The following FAM120C variants were observed in gnomAD, a reference collection of about 807,000 sequenced individuals.
The protein encoded by FAM120C is family with sequence similarity 120 member C.
Under a neutral mutation model 71.2 loss-of-function variants are expected in FAM120C, and 14 were observed. That is an observed-to-expected ratio of 0.20 (90% CI 0.13 to 0.31). The LOEUF (loss-of-function observed/expected upper bound fraction) is 0.31. Among genes scored for constraint, FAM120C ranks in the 10% least tolerant of loss-of-function variants. The probability of loss-of-function intolerance (pLI) is 1.00; values close to 1 mark genes in which losing one functional copy is unlikely to be tolerated. For synonymous variants in FAM120C, 354 were observed against 353.2 expected, an observed-to-expected ratio of 1.00 and a Z score of -0.03; for missense variants, 500 against 879.0, an observed-to-expected ratio of 0.57 and a Z score of 5.45.
rs782799788 is a variant in FAM120C, at chrX:54,088,007, A to G, written c.2428-43T>C. On this transcript the variant is annotated intron_variant, in intron 11 of 15. Transcript: ENST00000375180. ...GAAATATTACTATTAAGAAACTACTATTCTTGGTAACATTTACTCTTATTC... is the reference window on the plus strand; with the variant it reads ...GAAATATTACTATTAAGAAACTACTGTTCTTGGTAACATTTACTCTTATTC... 1.8e-5 allele frequency: 19 copies of G among 1,037,847 alleles called. No homozygotes were observed. In the Middle Eastern group the frequency reaches 7.6e-4, roughly 42 times the overall value. The allele number at this position is 1,037,847 out of a possible 1,213,427, so 85.5% of individuals were successfully genotyped here. A position where few individuals can be genotyped will look rare whatever the true frequency, so the allele number is the denominator to read the frequency against.
intron 1 of FAM120C, chrX:54,174,184 A>AAG (rs781920600): frequency 3.9e-6 from 2 of 512,053 alleles, no homozygotes; most frequent in East Asian, 7.2e-5. Context: ...GCCAGAGAGA[A>AAG]AGAGAGAGAG....
chrX:54,129,908 C>T (rs1028389803), intron 9 of FAM120C, among the ~76,000 whole-genome samples: 242 of 109,691 alleles, frequency 2.2e-3, no homozygotes, highest in Non-Finnish European at 4.0e-3. Flanking sequence ...CAATCGCAGG[C>T]ACTCGGCAGG....
In FAM120C at chrX:54,080,303, G is replaced by GA. The variant is rs1603351624; in HGVS notation, c.2979-15dup. 2 of 1,181,568 alleles carry GA rather than the reference G, an allele frequency of 1.7e-6. No individual in the cohort carries two copies. Among genetic ancestry groups the GA allele is most frequent in the Non-Finnish European group, 2.3e-6 (2 of 871,297 alleles). On this transcript the variant is annotated splice_polypyrimidine_tract_variant and intron_variant, in intron 14 of 15. Transcript: ENST00000375180. Reference sequence around the variant, plus strand: ...TCTTTTCCATGCCTTTAGCAAGTGAGAAAAAAAGTGATCATGAGAAACATA... The same window carrying GA: ...TCTTTTCCATGCCTTTAGCAAGTGAGAAAAAAAAGTGATCATGAGAAACATA...
chrX:54,176,904 A>C (rs1467822600), intron 1 of FAM120C, among the ~76,000 whole-genome samples: 1 of 111,481 alleles, frequency 9.0e-6, no homozygotes, highest in Non-Finnish European at 1.9e-5. Context: ...AATATGAGAG[A>C]GGTAAGAACA....
chrX:54,114,644 G>C (rs1411259430), intron 10 of FAM120C, among the ~76,000 whole-genome samples: 1 of 111,135 alleles, frequency 9.0e-6, no homozygotes, highest in Non-Finnish European at 1.9e-5. Flanking sequence ...TTGCCATGTT[G>C]GCCAGGCTGG....
At position 54,087,796 on chromosome X, in the gene FAM120C, C is replaced by G; in HGVS notation, c.2596G>C (p.Gly866Arg). Residue 866 changes from glycine to arginine, a missense_variant, in exon 12 of 16, where the codon GGC (glycine) becomes CGC (arginine). By Grantham distance (125) the Gly-to-Arg change is moderately radical. Transcript: ENST00000375180. ...TCAACCAGAGATACTCGCTCTCGGC[C>G]TGCTTTAATTAGCTTGCTCTGGAAC... ...KLFQSKLIKA[G>R]RERVSLVELC... 6.6e-6 allele frequency: 8 copies of G among 1,211,515 alleles called. No individual in the cohort carries two copies. Among genetic ancestry groups the G allele is most frequent in the Non-Finnish European group, 8.9e-6 (8 of 895,518 alleles).
intron 8 of FAM120C, 123 bp downstream of exon 8, chrX:54,133,650 A>C (rs1182821112): frequency 2.5e-6 from 2 of 787,885 alleles, no homozygotes; most frequent in Admixed American, 6.7e-5. Flanking sequence ...GGCCCACCAC[A>C]TGTGGCCTTC....
At chrX:54,108,741 G>T (rs782452320) in intron 10 of FAM120C, among the ~76,000 whole-genome samples, 119 of 110,341 alleles carry the variant, frequency 1.1e-3, no homozygotes, top group Middle Eastern at 9.1e-3. Context: ...GACCAGCCTG[G>T]GCAACATGGT....
chrX:54,175,020 C>T (rs2067309060), intron 1 of FAM120C, among the ~76,000 whole-genome samples: 1 of 111,324 alleles, frequency 9.0e-6, no homozygotes. Context: ...GTCTCCTCTA[C>T]TAGATAGACT....
chrX:54,168,581 C>T (rs1557135529), intron 1 of FAM120C, among the ~76,000 whole-genome samples: 3 of 112,391 alleles, frequency 2.7e-5, no homozygotes, highest in Non-Finnish European at 3.8e-5. Context: ...TTCAAGAAGG[C>T]TGAGGATTTT....
At chrX:54,078,706 C>G (rs903294129) in intron 15 of FAM120C, among the ~76,000 whole-genome samples, 1 of 110,496 alleles carries the variant, frequency 9.1e-6, no homozygotes, top group Admixed American at 9.8e-5. Flanking sequence ...AGTAGGTACT[C>G]AAGAAATGGT....
At chrX:54,118,767 G>C (rs1194247782) in intron 9 of FAM120C, among the ~76,000 whole-genome samples, 5 of 57,012 alleles carry the variant, frequency 8.8e-5, no homozygotes, top group Admixed American at 2.3e-4. Flanking sequence ...ATATTGTGCA[G>C]GTTAGTTACA....
intron 10 of FAM120C, among the ~76,000 whole-genome samples, chrX:54,104,597 C>T (rs2066896991): frequency 9.0e-6 from 1 of 110,952 alleles, no homozygotes; most frequent in Non-Finnish European, 1.9e-5. Flanking sequence ...CGCCTGAGGT[C>T]AGGAGTTCAA....
chrX:54,100,263 G>A (rs1261307707), intron 10 of FAM120C, among the ~76,000 whole-genome samples: 8 of 111,219 alleles, frequency 7.2e-5, no homozygotes, highest in Non-Finnish European at 1.1e-4. Flanking sequence ...AGGCCGAGGC[G>A]GGCAGATCAT....
intron 4 of FAM120C, among the ~76,000 whole-genome samples, chrX:54,143,974 C>T (rs1045857559): frequency 1.8e-5 from 2 of 111,275 alleles, no homozygotes; most frequent in East Asian, 2.8e-4. Flanking sequence ...CATGATCAAG[C>T]TGGCTTCATC....
intron 8 of FAM120C, among the ~76,000 whole-genome samples, chrX:54,133,089 T>C (rs1458142784): frequency 8.9e-6 from 1 of 112,403 alleles, no homozygotes; most frequent in African/African-American, 3.2e-5. Flanking sequence ...TGGTGGCTCA[T>C]GCCTGTAATC....
chrX:54,156,136 A>C (rs1248564222), intron 3 of FAM120C, among the ~76,000 whole-genome samples: 1 of 109,725 alleles, frequency 9.1e-6, no homozygotes, highest in Admixed American at 9.9e-5. Flanking sequence ...TTTTCTCAGT[A>C]AAACAGGAAG....
intron 10 of FAM120C, among the ~76,000 whole-genome samples, chrX:54,098,526 T>G (rs2066865980): frequency 8.9e-6 from 1 of 112,168 alleles, no homozygotes; most frequent in Non-Finnish European, 1.9e-5. Context: ...AGCAACTGAA[T>G]GGGTGTTAAC....
In FAM120C at chrX:54,159,373, G is replaced by A. The variant is rs1329709687; in HGVS notation, c.943C>T (p.Leu315=). 1 of 1,209,681 alleles carries A rather than the reference G, an allele frequency of 8.3e-7. No homozygotes were observed. The highest frequency in any genetic ancestry group is 1.7e-5 in the African/African-American group (1 of 57,191). ...RMNFPIFAAL[L]GNHILPDEDL... ...GTCTTTTCTTTGGATGACCTACCTA[G>A]CAGTGCAGCAAATATGGGGAAATTC... is the stretch of plus-strand genomic sequence containing the variant. The change falls in exon 2 of 16, where the codon CTA becomes TTA. Residue 315 remains leucine, a synonymous_variant. Coordinates refer to ENST00000375180, the MANE Select transcript of FAM120C (RefSeq NM_017848.6).
Sources: gnomAD v4.1 joint callset for allele counts (sites outside exome capture counted in the v4.1 genomes callset) on GRCh38, gnomAD v4.1.1 for gene constraint, MANE v1.5 for transcripts, NCBI Gene and HGNC (gene_info 2026-07-23, HGNC 2026-07-21) for gene names.